The following DCC variants were observed in gnomAD, a reference collection of about 807,000 sequenced individuals.
DCC encodes the protein netrin receptor DCC.
A neutral mutation model predicts 172.5 loss-of-function variants in DCC; 58 were observed. That is an observed-to-expected ratio of 0.34 (90% CI 0.27 to 0.42). The LOEUF is 0.42. Ranked by LOEUF, DCC falls within the 10% of genes least tolerant of loss-of-function variation. DCC has a pLI of 1.00. For missense variants in DCC, 1,740 were observed against 1,791.0 expected, an observed-to-expected ratio of 0.97 and a Z score of 0.51; for synonymous variants, 709 against 644.5, an observed-to-expected ratio of 1.10 and a Z score of -1.52.
chr18:53,188,538 T>C (rs1313979033), intron 9 of DCC, among the ~76,000 whole-genome samples: 1 of 152,182 alleles, frequency 6.6e-6, no homozygotes, highest in Non-Finnish European at 1.5e-5. Context: ...TAACTGATCT[T>C]ACACAATTTA....
At chr18:53,187,022 G>C (rs540917792) in intron 9 of DCC, among the ~76,000 whole-genome samples, 1 of 152,002 alleles carries the variant, frequency 6.6e-6, no homozygotes, top group Non-Finnish European at 1.5e-5. Context: ...TCTTTTAAAA[G>C]ATTATTATAA....
At chr18:53,513,694 C>CAAAG (rs2046292359) in intron 27 of DCC, among the ~76,000 whole-genome samples, 1 of 151,646 alleles carries the variant, frequency 6.6e-6, no homozygotes, top group African/African-American at 2.4e-5. Flanking sequence ...TTTAAACCAA[C>CAAAG]AAAGATCAAA....
intron 1 of DCC, among the ~76,000 whole-genome samples, chr18:52,653,507 G>A (rs1301283238): frequency 6.6e-6 from 1 of 152,044 alleles, no homozygotes; most frequent in African/African-American, 2.4e-5. Flanking sequence ...TAATTACATC[G>A]ATGAATAATT....
At chr18:52,451,615 A>C (rs1217527886) in intron 1 of DCC, among the ~76,000 whole-genome samples, 1 of 152,116 alleles carries the variant, frequency 6.6e-6, no homozygotes, top group African/African-American at 2.4e-5. Context: ...TGTTTTATTT[A>C]AGCTCTTTTG....
chr18:53,424,240 A>G (rs1412672983), intron 21 of DCC, among the ~76,000 whole-genome samples: 1 of 152,146 alleles, frequency 6.6e-6, no homozygotes, highest in Non-Finnish European at 1.5e-5. Flanking sequence ...TACAGAAAGG[A>G]GAAAATCAAA....
intron 7 of DCC, among the ~76,000 whole-genome samples, chr18:53,098,380 G>T (rs1438450740): frequency 6.6e-6 from 1 of 152,038 alleles, no homozygotes; most frequent in Non-Finnish European, 1.5e-5. Context: ...ATCATTCATT[G>T]TACATAGTTT....
intron 1 of DCC, among the ~76,000 whole-genome samples, chr18:52,581,357 C>T (rs983113843): frequency 2.6e-5 from 4 of 152,080 alleles, no homozygotes; most frequent in African/African-American, 9.7e-5. Context: ...AATACCCAAG[C>T]CATGATATTG....
intron 1 of DCC, among the ~76,000 whole-genome samples, chr18:52,460,022 C>A (rs1200152342): frequency 1.3e-5 from 2 of 151,912 alleles, no homozygotes; most frequent in Non-Finnish European, 2.9e-5. Context: ...AATGAACTTA[C>A]GTGTGCATAT....
intron 15 of DCC, among the ~76,000 whole-genome samples, chr18:53,351,464 G>A (rs1169482908): frequency 1.5e-4 from 5 of 33,242 alleles, no homozygotes; most frequent in African/African-American, 3.2e-4. Context: ...TATACACAGT[G>A]TGTATATATA....
chr18:53,398,871 T>G (rs985213635), intron 18 of DCC, among the ~76,000 whole-genome samples: 1 of 152,116 alleles, frequency 6.6e-6, no homozygotes, highest in Non-Finnish European at 1.5e-5. Context: ...ATAGGATCCC[T>G]GAGTGATGAT....
chr18:52,587,803 A>C (rs1292586424), intron 1 of DCC, among the ~76,000 whole-genome samples: 1 of 152,108 alleles, frequency 6.6e-6, no homozygotes, highest in Admixed American at 6.5e-5. Context: ...ACCAGGCCCT[A>C]GTCTTCTCTT....
intron 12 of DCC, among the ~76,000 whole-genome samples, chr18:53,300,994 T>TTCTTTTC (rs1555649245): frequency 7.4e-6 from 1 of 134,610 alleles, no homozygotes; most frequent in African/African-American, 2.9e-5. Context: ...TCTTTCTTTT[T>TTCTTTTC]TTTTCTTTTC....
At chr18:52,981,904 G>A (rs889051660) in intron 5 of DCC, among the ~76,000 whole-genome samples, 44 of 152,050 alleles carry the variant, frequency 2.9e-4, no homozygotes, top group African/African-American at 1.1e-3. Context: ...TGAAATTTAA[G>A]CAGGATCTTG....
chr18:53,271,863 G>A (rs2056753178), intron 12 of DCC, among the ~76,000 whole-genome samples: 1 of 152,048 alleles, frequency 6.6e-6, no homozygotes, highest in Non-Finnish European at 1.5e-5. Flanking sequence ...AGTTAGTATT[G>A]CTATGAAGTA....
chr18:52,877,338 G>A (rs1197645937), intron 2 of DCC, among the ~76,000 whole-genome samples: 2 of 152,144 alleles, frequency 1.3e-5, no homozygotes, highest in Non-Finnish European at 2.9e-5. Context: ...AGCAGCCCCA[G>A]TTTCGAACTA....
At chr18:53,034,521 C>T (rs921313340) in intron 5 of DCC, among the ~76,000 whole-genome samples, 1 of 152,034 alleles carries the variant, frequency 6.6e-6, no homozygotes, top group Non-Finnish European at 1.5e-5. Flanking sequence ...AAATACAGAA[C>T]CTTCACTACT....
chr18:53,486,923 C>T lies in DCC; in HGVS notation c.3863C>T (p.Ser1288Leu). The T allele has an allele frequency of 1.2e-6, 2 of 1,614,206 alleles. No homozygotes were observed. Among genetic ancestry groups the T allele is most frequent in the South Asian group, 1.1e-5 (1 of 91,090 alleles). Reference protein sequence around the residue: ...TLRPVPFPTLSVDRGFGAGRS... With the variant: ...TLRPVPFPTLLVDRGFGAGRS... Reference sequence around the variant, plus strand: ...CGGCCTGTGCCATTCCCAACACTCTCAGTGGACCGAGGTTTCGGAGCAGGA... The same window carrying T: ...CGGCCTGTGCCATTCCCAACACTCTTAGTGGACCGAGGTTTCGGAGCAGGA... Residue 1288 changes from serine to leucine, a missense_variant, in exon 26 of 29, where the codon TCA becomes TTA. Physicochemically the swap from Ser to Leu is moderately radical, Grantham distance 145. Around this residue, in one of 2 missense-constraint regions of DCC, gnomAD observed 1,732 missense variants for 1,767.4 expected, o/e 0.98. Coordinates refer to ENST00000442544, the MANE Select transcript of DCC (RefSeq NM_005215.4).
At chr18:52,383,629 T>C (rs1221824406) in intron 1 of DCC, among the ~76,000 whole-genome samples, 1 of 152,022 alleles carries the variant, frequency 6.6e-6, no homozygotes, top group African/African-American at 2.4e-5. Context: ...AATTTTGGAG[T>C]TTTAATTTTT....
chr18:52,533,545 C>A (rs1210931412), intron 1 of DCC, among the ~76,000 whole-genome samples: 1 of 152,014 alleles, frequency 6.6e-6, no homozygotes, highest in Non-Finnish European at 1.5e-5. Context: ...TTCCCAGAGA[C>A]CATCCAGGTG....
Sources: allele counts gnomAD v4.1 joint callset (sites outside exome capture counted in the v4.1 genomes callset), GRCh38; gene constraint gnomAD v4.1.1; regional missense constraint gnomAD v4.1.1; transcripts MANE v1.5; gene names NCBI Gene and HGNC (gene_info 2026-07-23, HGNC 2026-07-21).